The following GMDS variants were observed in gnomAD, a reference collection of about 807,000 sequenced individuals.
GMDS encodes GDP-mannose 4,6 dehydratase.
In GMDS, 20 loss-of-function variants were observed where a neutral mutation model predicts 49.9. That is an observed-to-expected ratio of 0.40 (90% CI 0.28 to 0.58). The LOEUF (loss-of-function observed/expected upper bound fraction) is 0.58, where lower values mean the gene tolerates loss of function less well. Among genes scored for constraint, GMDS ranks in the 20% least tolerant of loss-of-function variants. GMDS has a pLI of 0.42. For synonymous variants in GMDS, 177 were observed against 178.6 expected (o/e 0.99, Z 0.07); for missense variants, 362 against 481.4 (o/e 0.75, Z 2.32).
At chr6:2,032,041 G>T (rs1261359677) in intron 4 of GMDS, among the ~76,000 whole-genome samples, 1 of 151,904 alleles carries the variant, frequency 6.6e-6, no homozygotes, top group Non-Finnish European at 1.5e-5. Flanking sequence ...ATTGAAAATG[G>T]GCACACACAA....
At chr6:1,890,964 T>C (rs1759841752) in intron 7 of GMDS, among the ~76,000 whole-genome samples, 1 of 152,220 alleles carries the variant, frequency 6.6e-6, no homozygotes, top group Non-Finnish European at 1.5e-5. Flanking sequence ...GTGACGTTCC[T>C]TCCCCACTGA....
chr6:2,054,758 A>G (rs553680813), intron 4 of GMDS, among the ~76,000 whole-genome samples: 175 of 146,584 alleles, frequency 1.2e-3, no homozygotes, highest in Middle Eastern at 7.1e-3. Flanking sequence ...CCAGGGGGGG[A>G]AAAAAAAAAC....
intron 9 of GMDS, among the ~76,000 whole-genome samples, chr6:1,634,151 C>T (rs76529845): frequency 1.6e-4 from 25 of 152,318 alleles, no homozygotes; most frequent in African/African-American, 5.3e-4. Flanking sequence ...AAGCACCTGG[C>T]GACTCAGGTG....
At chr6:2,074,927 G>A (rs987366960) in intron 4 of GMDS, among the ~76,000 whole-genome samples, 21 of 152,076 alleles carry the variant, frequency 1.4e-4, no homozygotes, top group African/African-American at 4.3e-4. Flanking sequence ...TATGCTCTTG[G>A]TGTCTTTGTC....
intron 4 of GMDS, among the ~76,000 whole-genome samples, chr6:2,031,386 C>G (rs542175848): frequency 6.6e-6 from 1 of 151,870 alleles, no homozygotes; most frequent in Admixed American, 6.6e-5. Context: ...GTGAACCAAA[C>G]AACTACAAAT....
chr6:1,821,233 T>C (rs1051646398), intron 7 of GMDS, among the ~76,000 whole-genome samples: 1 of 152,190 alleles, frequency 6.6e-6, no homozygotes, highest in Non-Finnish European at 1.5e-5. Flanking sequence ...AAAAACTCTC[T>C]TGCATTTCGG....
At chr6:2,102,523 G>C (rs970916534) in intron 4 of GMDS, among the ~76,000 whole-genome samples, 5 of 152,118 alleles carry the variant, frequency 3.3e-5, no homozygotes, top group Non-Finnish European at 7.4e-5. Flanking sequence ...AATACTGTCC[G>C]TTTAATGAAA....
At chr6:1,721,508 T>G (rs1766383464) in intron 9 of GMDS, among the ~76,000 whole-genome samples, 1 of 152,130 alleles carries the variant, frequency 6.6e-6, no homozygotes, top group Non-Finnish European at 1.5e-5. Context: ...GCTAGTAGAG[T>G]TTAAGCCAAG....
At chr6:2,197,281 T>G (rs1454659868) in intron 1 of GMDS, among the ~76,000 whole-genome samples, 1 of 152,058 alleles carries the variant, frequency 6.6e-6, no homozygotes, top group Non-Finnish European at 1.5e-5. Flanking sequence ...GCTCTCCAAG[T>G]GGAAACACTG....
In GMDS at chr6:2,028,482, C is replaced by T. The variant is rs1212726297; in HGVS notation, c.346-67516G>A. On this transcript the variant is annotated intron_variant, in intron 4 of 10. Coordinates refer to ENST00000380815, the MANE Select transcript of GMDS (RefSeq NM_001500.4). ...CCAAAACAAAAATTCTTAGGACACC[C>T]CATGTAATTCTGAGTGGACTAAACA... 2.0e-5 allele frequency among the ~76,000 whole-genome samples: 3 copies of T among 152,120 alleles called. No individual in the cohort carries two copies. The East Asian group carries it at 5.8e-4, about 29-fold the overall frequency.
intron 4 of GMDS, among the ~76,000 whole-genome samples, chr6:2,045,850 C>T (rs1018589463): frequency 6.6e-6 from 1 of 152,092 alleles, no homozygotes; most frequent in Non-Finnish European, 1.5e-5. Context: ...TATAACACCA[C>T]TAGACATGGA....
At chr6:2,168,644 A>AAGTTAAATGAATC (rs1301969038) in intron 1 of GMDS, among the ~76,000 whole-genome samples, 3 of 152,232 alleles carry the variant, frequency 2.0e-5, no homozygotes, top group Non-Finnish European at 4.4e-5. Flanking sequence ...GTACTTTCTG[A>AAGTTAAATGAATC]AGTTAAATGA....
chr6:1,858,326 C>A (rs992462862), intron 7 of GMDS, among the ~76,000 whole-genome samples: 43 of 152,020 alleles, frequency 2.8e-4, no homozygotes, highest in African/African-American at 1.0e-3. Flanking sequence ...TTAAAATGCC[C>A]TAGGGAAGTT....
chr6:2,088,905 A>G (rs578087321), intron 4 of GMDS, among the ~76,000 whole-genome samples: 2 of 152,338 alleles, frequency 1.3e-5, no homozygotes, highest in African/African-American at 4.8e-5. Context: ...TTGTCCCTTT[A>G]TCCTTGATAG....
At chr6:2,081,078 T>C (rs1322955901) in intron 4 of GMDS, among the ~76,000 whole-genome samples, 1 of 152,182 alleles carries the variant, frequency 6.6e-6, no homozygotes, top group Non-Finnish European at 1.5e-5. Context: ...TAAATATTTT[T>C]ATCAAAGGTT....
intron 7 of GMDS, among the ~76,000 whole-genome samples, chr6:1,891,566 T>A (rs1345901598): frequency 6.6e-6 from 1 of 152,242 alleles, no homozygotes; most frequent in Non-Finnish European, 1.5e-5. Context: ...GATCTCCTAA[T>A]TTAACAAGAG....
chr6:1,995,793 G>C (rs2127370967), intron 4 of GMDS, among the ~76,000 whole-genome samples: 1 of 152,336 alleles, frequency 6.6e-6, no homozygotes, highest in Admixed American at 6.5e-5. Flanking sequence ...CACTGACTGG[G>C]AAGAGAAGCT....
At chr6:2,082,850 C>A (rs1581626555) in intron 4 of GMDS, among the ~76,000 whole-genome samples, 1 of 152,310 alleles carries the variant, frequency 6.6e-6, no homozygotes, top group Middle Eastern at 3.4e-3. Context: ...TTATCTAATT[C>A]AATATCCTCA....
chr6:1,963,166 C>T (rs1208208182), intron 4 of GMDS, among the ~76,000 whole-genome samples: 2 of 151,114 alleles, frequency 1.3e-5, no homozygotes, highest in African/African-American at 4.9e-5. Flanking sequence ...TGAGCCACCA[C>T]GCCCAGCCTA....
Sources: gnomAD v4.1 joint callset for allele counts (sites outside exome capture counted in the v4.1 genomes callset) on GRCh38, gnomAD v4.1.1 for gene constraint, MANE v1.5 for transcripts, NCBI Gene and HGNC (gene_info 2026-07-23, HGNC 2026-07-21) for gene names.